The following KCNH7 variants were observed in gnomAD, a reference collection of about 807,000 sequenced individuals.
KCNH7 encodes potassium voltage-gated channel subfamily H member 7.
KCNH7 carries 49 observed loss-of-function variants against 120.8 expected under a neutral mutation model. The observed-to-expected ratio is 0.41, with a 90% CI of 0.32 to 0.51. The LOEUF (loss-of-function observed/expected upper bound fraction) is 0.51. Ranked by LOEUF, KCNH7 falls within the 20% of genes least tolerant of loss-of-function variation. The probability of loss-of-function intolerance (pLI) is 0.38; values close to 1 mark genes in which losing one functional copy is unlikely to be tolerated. For synonymous variants in KCNH7, 547 were observed against 516.1 expected (o/e 1.06, Z -0.81); for missense variants, 1,097 against 1,446.6 (o/e 0.76, Z 3.92).
chr2:162,770,142 C>T (rs916472564), intron 2 of KCNH7, among the ~76,000 whole-genome samples: 6 of 151,922 alleles, frequency 3.9e-5, no homozygotes, highest in African/African-American at 1.4e-4. Flanking sequence ...AATTTGATTA[C>T]ATATTTGCCT....
chr2:162,689,295 C>T (rs1223003248), intron 2 of KCNH7, among the ~76,000 whole-genome samples: 1 of 151,996 alleles, frequency 6.6e-6, no homozygotes, highest in African/African-American at 2.4e-5. Flanking sequence ...GGATTACAGG[C>T]ATCCACCACC....
At chr2:162,812,022 G>C (rs985139510) in intron 2 of KCNH7, among the ~76,000 whole-genome samples, 2 of 152,114 alleles carry the variant, frequency 1.3e-5, no homozygotes, top group African/African-American at 4.8e-5. Context: ...GATTGCTTTA[G>C]AAAAATTGTT....
At chr2:162,818,359 GACTT>G (rs201393249) in intron 2 of KCNH7, among the ~76,000 whole-genome samples, 2,491 of 152,040 alleles carry the variant, frequency 0.016, 60 homozygotes, top group African/African-American at 0.052. Flanking sequence ...TTGTTGAAAA[GACTT>G]ACTTTGGTGC....
intron 5 of KCNH7, among the ~76,000 whole-genome samples, chr2:162,511,070 T>C (rs1231182334): frequency 6.6e-6 from 1 of 151,696 alleles, no homozygotes; most frequent in Non-Finnish European, 1.5e-5. Context: ...GTAAAATTGA[T>C]GAGCAATCTG....
intron 14 of KCNH7, among the ~76,000 whole-genome samples, chr2:162,377,096 A>G (rs563689467): frequency 6.6e-6 from 1 of 152,340 alleles, no homozygotes; most frequent in East Asian, 1.9e-4. Context: ...ACTCCACTAT[A>G]GAACGTGTCC....
intron 2 of KCNH7, among the ~76,000 whole-genome samples, chr2:162,541,843 T>C (rs1435523708): frequency 6.6e-6 from 1 of 152,066 alleles, no homozygotes; most frequent in Admixed American, 6.6e-5. Context: ...ACCCCTGAAC[T>C]TAAAATAAAA....
At chr2:162,659,761 T>C (rs1177292793) in intron 2 of KCNH7, among the ~76,000 whole-genome samples, 1 of 152,196 alleles carries the variant, frequency 6.6e-6, no homozygotes, top group Non-Finnish European at 1.5e-5. Flanking sequence ...TCTTGTAATA[T>C]CTTCATCTGG....
At chr2:162,820,209 T>TGTGTG (rs1685065485) in intron 2 of KCNH7, among the ~76,000 whole-genome samples, 95 of 99,676 alleles carry the variant, frequency 9.5e-4, no homozygotes, top group Non-Finnish European at 1.6e-3. Flanking sequence ...CCGGCTAATT[T>TGTGTG]TGTGTGTGTG....
intron 2 of KCNH7, among the ~76,000 whole-genome samples, chr2:162,823,909 T>TTTTTTTTTTGAGAC (rs1323149636): frequency 2.6e-5 from 4 of 152,150 alleles, no homozygotes; most frequent in Non-Finnish European, 5.9e-5. Context: ...ATTTTTTAAT[T>TTTTTTTTTTGAGAC]GCCATATAAG....
intron 2 of KCNH7, among the ~76,000 whole-genome samples, chr2:162,732,304 C>A (rs949738212): frequency 6.6e-6 from 1 of 151,970 alleles, no homozygotes; most frequent in Non-Finnish European, 1.5e-5. Flanking sequence ...AGAATGCCAC[C>A]AATGATCAAG....
intron 2 of KCNH7, among the ~76,000 whole-genome samples, chr2:162,745,093 G>T (rs1688270338): frequency 1.3e-5 from 2 of 152,130 alleles, no homozygotes; most frequent in Admixed American, 1.3e-4. Context: ...GTACCTAGAA[G>T]ACATTAAAAC....
At chr2:162,399,594 T>C (rs1687012446) in intron 10 of KCNH7, among the ~76,000 whole-genome samples, 1 of 151,998 alleles carries the variant, frequency 6.6e-6, no homozygotes, top group East Asian at 2.0e-4. Context: ...AGATTAAACA[T>C]GTGTTTTCTT....
intron 2 of KCNH7, among the ~76,000 whole-genome samples, chr2:162,698,758 C>T (rs796918358): frequency 1.2e-4 from 19 of 152,114 alleles, no homozygotes; most frequent in African/African-American, 4.1e-4. Flanking sequence ...CATCATGGGA[C>T]TACCATGGAG....
chr2:162,808,620 G>A (rs1244683232), intron 2 of KCNH7, among the ~76,000 whole-genome samples: 2 of 152,052 alleles, frequency 1.3e-5, no homozygotes, highest in East Asian at 1.9e-4. Flanking sequence ...CAAACTTTAA[G>A]GGAGTTTGAA....
At chr2:162,567,728 C>T (rs1483514691) in intron 2 of KCNH7, among the ~76,000 whole-genome samples, 2 of 151,886 alleles carry the variant, frequency 1.3e-5, no homozygotes, top group African/African-American at 4.8e-5. Context: ...TTTCAAATAA[C>T]AAGAATAATT....
intron 2 of KCNH7, among the ~76,000 whole-genome samples, chr2:162,704,939 A>C (rs1166459380): frequency 6.6e-6 from 1 of 152,166 alleles, no homozygotes. Flanking sequence ...TGATAAAATT[A>C]AGATGGGTAA....
chr2:162,481,057 T>G (rs142848628), intron 6 of KCNH7, among the ~76,000 whole-genome samples: 1 of 152,176 alleles, frequency 6.6e-6, no homozygotes, highest in East Asian at 1.9e-4. Flanking sequence ...ATGATTCTTC[T>G]GGCTCCTCCA....
At chr2:162,660,414 CT>C (rs935234345) in intron 2 of KCNH7, among the ~76,000 whole-genome samples, 9 of 152,088 alleles carry the variant, frequency 5.9e-5, no homozygotes, top group Non-Finnish European at 1.2e-4. Flanking sequence ...ACTTGAGGAT[CT>C]TTCAGTTATC....
Position 162,457,861 on chromosome 2 carries a change from T to C in KCNH7, c.1129-11418A>G, listed in dbSNP as rs551921283. On this transcript the variant is annotated intron_variant, in intron 6 of 15. Transcript: ENST00000332142. Reference sequence around the variant, plus strand: ...GAAGGACTTAAACTCCCCAGGCTTTTCAGCATATGATTTGTGAAAAACAGC... The same window carrying C: ...GAAGGACTTAAACTCCCCAGGCTTTCCAGCATATGATTTGTGAAAAACAGC... Among the ~76,000 whole-genome samples, 28 of 152,256 alleles carry C rather than the reference T, an allele frequency of 1.8e-4. No homozygotes were observed. The South Asian group carries it at 5.8e-3, about 32-fold the overall frequency.
Sources: gnomAD v4.1 joint callset for allele counts (sites outside exome capture counted in the v4.1 genomes callset) on GRCh38, gnomAD v4.1.1 for gene constraint, MANE v1.5 for transcripts, NCBI Gene and HGNC (gene_info 2026-07-23, HGNC 2026-07-21) for gene names.